FLT1: variants seen among roughly 807,000 people sequenced by gnomAD.
FLT1 encodes the protein fms related receptor tyrosine kinase 1, also known as vascular endothelial growth factor receptor 1.
In FLT1, 49 loss-of-function variants were observed where a neutral mutation model predicts 156.3. The observed-to-expected ratio is 0.31, with a 90% confidence interval of 0.25 to 0.40. The LOEUF is 0.40. Among genes scored for constraint, FLT1 ranks in the 10% least tolerant of loss-of-function variants. The probability of loss-of-function intolerance (pLI) is 1.00; values close to 1 mark genes in which losing one functional copy is unlikely to be tolerated. For synonymous variants in FLT1, 594 were observed against 583.8 expected (o/e 1.02, Z -0.25); for missense variants, 1,322 against 1,637.2 (o/e 0.81, Z 3.32).
rs1870589877 is a variant in FLT1, at chr13:28,303,258, T to C, written c.3926A>G (p.Tyr1309Cys). The change falls in exon 30 of 30, where the codon TAC becomes TGC. Residue 1309 changes from tyrosine to cysteine, a missense_variant. By Grantham distance (194) the Tyr-to-Cys change is radical. Coordinates refer to ENST00000282397, the MANE Select transcript of FLT1 (RefSeq NM_002019.4). ...TTTCCTTTCCAGCTCAGCGTGGTCG[T>C]AGGTGAACCTGCGCTTGCCTTCGCT... ...HVSEGKRRFTYDHAELERKIA... is the reference protein window; with the variant it reads ...HVSEGKRRFTCDHAELERKIA... 1.2e-6 allele frequency: 2 copies of C among 1,613,796 alleles called. No individual in the cohort carries two copies. The highest frequency in any genetic ancestry group is 4.5e-5 in the East Asian group (2 of 44,878).
chr13:28,448,829 A>G (rs534193700), intron 3 of FLT1, among the ~76,000 whole-genome samples: 1 of 152,180 alleles, frequency 6.6e-6, no homozygotes, highest in Non-Finnish European at 1.5e-5. Context: ...CTGTTTCCTG[A>G]GCTGGCTGAG....
intron 16 of FLT1, among the ~76,000 whole-genome samples, chr13:28,344,021 G>T (rs1247517359): frequency 7.0e-6 from 1 of 143,056 alleles, no homozygotes; most frequent in East Asian, 2.0e-4. Flanking sequence ...CCCACCACCC[G>T]GGTCCATTCT....
At chr13:28,476,922 A>C (rs1880583325) in intron 1 of FLT1, among the ~76,000 whole-genome samples, 1 of 152,208 alleles carries the variant, frequency 6.6e-6, no homozygotes, top group Non-Finnish European at 1.5e-5. Flanking sequence ...CTTGGCACAA[A>C]AGACATCACA....
At chr13:28,366,408 T>G (rs1453879361) in intron 14 of FLT1, among the ~76,000 whole-genome samples, 1 of 152,186 alleles carries the variant, frequency 6.6e-6, no homozygotes, top group African/African-American at 2.4e-5. Context: ...GTGGTTCCCT[T>G]GATGCCTGGT....
chr13:28,331,059 C>T (rs1307360060), intron 18 of FLT1, among the ~76,000 whole-genome samples: 1 of 152,158 alleles, frequency 6.6e-6, no homozygotes, highest in East Asian at 1.9e-4. Context: ...GTGTCCCTGA[C>T]ATTTAGAGTG....
intron 28 of FLT1, chr13:28,308,433 T>G (rs895760123): frequency 2.1e-5 from 6 of 291,002 alleles, no homozygotes; most frequent in South Asian, 1.1e-4. Flanking sequence ...GAAAGGAGCA[T>G]AAGGCTTAGG....
At chr13:28,448,927 A>G (rs1397746507) in intron 3 of FLT1, among the ~76,000 whole-genome samples, 3 of 152,112 alleles carry the variant, frequency 2.0e-5, no homozygotes, top group Non-Finnish European at 4.4e-5. Context: ...TCCTGCATCC[A>G]GTTTAGGCCA....
Position 28,319,394 on chromosome 13 carries a change from G to A in FLT1, c.3286+29C>T, listed in dbSNP as rs370598698. 1.2e-5 allele frequency: 17 copies of A among 1,402,918 alleles called. No individual in the cohort carries two copies. The African/African-American group carries it at 1.7e-4, about 14-fold the overall frequency. The allele number at this position is 1,402,918 out of a possible 1,614,324, so 86.9% of individuals were successfully genotyped here. ...AGATGCAGACATTTATTTCTGGGCT[G>A]TTTGATTTCTTCCTTCTCCCAAATT... On this transcript the variant is annotated intron_variant, in intron 24 of 29. Coordinates refer to ENST00000282397, the MANE Select transcript of FLT1 (RefSeq NM_002019.4).
At chr13:28,390,571 C>T (rs116981568) in intron 12 of FLT1, among the ~76,000 whole-genome samples, 3,279 of 152,162 alleles carry the variant, frequency 0.022, 43 homozygotes, top group Non-Finnish European at 0.034. Context: ...AATTTTTGTA[C>T]TTTTTGGTGG....
intron 14 of FLT1, among the ~76,000 whole-genome samples, chr13:28,369,140 T>C (rs1873436873): frequency 6.6e-6 from 1 of 152,114 alleles, no homozygotes; most frequent in Non-Finnish European, 1.5e-5. Flanking sequence ...ACAAAGGAGA[T>C]TTTATATATC....
At chr13:28,484,118 C>G (rs628930) in intron 1 of FLT1, among the ~76,000 whole-genome samples, 97,286 of 152,070 alleles carry the variant, frequency 0.64, 31,379 homozygotes, top group Admixed American at 0.74. Context: ...CCTGTGCTGA[C>G]ATGTTCACAT....
intron 1 of FLT1, among the ~76,000 whole-genome samples, chr13:28,482,059 G>A (rs1485050647): frequency 1.3e-5 from 2 of 152,196 alleles, no homozygotes; most frequent in African/African-American, 4.8e-5. Context: ...ACTCAGCTTG[G>A]AAATAGGGCA....
intron 3 of FLT1, among the ~76,000 whole-genome samples, chr13:28,455,535 ACTC>A (rs1879211544): frequency 6.6e-6 from 1 of 152,092 alleles, no homozygotes. Context: ...AAACTATAAA[ACTC>A]CTAGAATATA....
intron 13 of FLT1, chr13:28,386,159 T>G (rs1874348741): frequency 1.9e-6 from 2 of 1,054,024 alleles, no homozygotes; most frequent in Admixed American, 1.1e-4. Flanking sequence ...AGCTTAGGAG[T>G]GATGACAATG....
intron 27 of FLT1, among the ~76,000 whole-genome samples, chr13:28,309,328 T>C (rs1453979448): frequency 1.3e-5 from 2 of 152,202 alleles, no homozygotes; most frequent in Non-Finnish European, 2.9e-5. Context: ...TGACCTGGCA[T>C]GGCTACACGG....
rs1870559195 is a variant in FLT1, at chr13:28,302,605, C to G, written c.*562G>C. ...AAATGGCATTGCTGAGCCCCGTCCC[C>G]CTCCGTGCCCACATGGTGCGTCTCA... On this transcript the variant is annotated 3_prime_UTR_variant, in exon 30 of 30. Coordinates refer to ENST00000282397, the MANE Select transcript of FLT1 (RefSeq NM_002019.4). The G allele has an allele frequency of 1.3e-5, 3 of 234,488 alleles. No individual in the cohort carries two copies. The highest frequency in any genetic ancestry group is 2.5e-5 in the Non-Finnish European group (3 of 118,952). 14.5% of individuals were successfully genotyped at this position (234,488 alleles called of 1,614,324 possible). A position where few individuals can be genotyped will look rare whatever the true frequency, so the allele number is the denominator to read the frequency against.
chr13:28,361,232 T>C (rs1412003033), intron 14 of FLT1, among the ~76,000 whole-genome samples: 2 of 151,924 alleles, frequency 1.3e-5, no homozygotes, highest in East Asian at 1.9e-4. Flanking sequence ...TGAGCCAAGA[T>C]GGTGCCCCTG....
chr13:28,444,563 G>T (rs1396327432), intron 3 of FLT1, among the ~76,000 whole-genome samples: 2 of 152,092 alleles, frequency 1.3e-5, no homozygotes, highest in Admixed American at 6.5e-5. Context: ...TCACAGCAGG[G>T]TATATATTTT....
At chr13:28,387,741 T>A in intron 13 of FLT1, 2 of 1,038,996 alleles carry the variant, frequency 1.9e-6, no homozygotes, top group Non-Finnish European at 1.2e-6. Context: ...TTCACCTCCC[T>A]TCATACCCCA....
Sources: allele counts gnomAD v4.1 joint callset (sites outside exome capture counted in the v4.1 genomes callset), GRCh38; gene constraint gnomAD v4.1.1; transcripts MANE v1.5; gene names NCBI Gene and HGNC (gene_info 2026-07-23, HGNC 2026-07-21).